TYW1B: variants seen among roughly 807,000 people sequenced by gnomAD.
The protein encoded by TYW1B is S-adenosyl-L-methionine-dependent tRNA 4-demethylwyosine synthase TYW1B.
A neutral mutation model predicts 86.9 loss-of-function variants in TYW1B; 73 were observed. The ratio of observed to expected loss-of-function variants is 0.84; its 90% CI spans 0.70 to 1.02. The LOEUF is 1.02. TYW1B is among the 50% of genes least tolerant of loss of function. The pLI is 0.00. For synonymous variants in TYW1B, 248 were observed against 292.8 expected, an observed-to-expected ratio of 0.85 and a Z score of 1.56; for missense variants, 637 against 827.4, an observed-to-expected ratio of 0.77 and a Z score of 2.82.
intron 7 of TYW1B, among the ~76,000 whole-genome samples, chr7:72,745,466 T>C (rs1465299099): frequency 6.6e-6 from 1 of 152,110 alleles, no homozygotes; most frequent in Admixed American, 6.6e-5. Flanking sequence ...AGTTGGTACA[T>C]GTAGTAAGTA....
chr7:72,717,471 T>C (rs1295851862), intron 9 of TYW1B, among the ~76,000 whole-genome samples: 1 of 152,004 alleles, frequency 6.6e-6, no homozygotes, highest in East Asian at 1.9e-4. Context: ...TCCTCATAGA[T>C]AGAGAATGAT....
intron 7 of TYW1B, among the ~76,000 whole-genome samples, chr7:72,761,785 A>T (rs1394658347): frequency 6.6e-6 from 1 of 152,038 alleles, no homozygotes; most frequent in Non-Finnish European, 1.5e-5. Flanking sequence ...CAAAGAAAAG[A>T]ATAACTTTGT....
chr7:72,733,433 G>A (rs1268680947), intron 8 of TYW1B, among the ~76,000 whole-genome samples: 1 of 152,182 alleles, frequency 6.6e-6, no homozygotes, highest in Non-Finnish European at 1.5e-5. Flanking sequence ...GCCAAGGCGG[G>A]CGGATCATGA....
At chr7:72,777,925 A>T (rs538784543) in intron 6 of TYW1B, among the ~76,000 whole-genome samples, 1 of 152,224 alleles carries the variant, frequency 6.6e-6, no homozygotes, top group East Asian at 1.9e-4. Flanking sequence ...CAAAAAATAA[A>T]TAATTATAAA....
chr7:72,752,047 T>G (rs1300053190), intron 7 of TYW1B, among the ~76,000 whole-genome samples: 1 of 152,204 alleles, frequency 6.6e-6, no homozygotes, highest in African/African-American at 2.4e-5. Flanking sequence ...GCAGCCCCAG[T>G]ATCTCTGGGT....
intron 11 of TYW1B, among the ~76,000 whole-genome samples, chr7:72,629,904 G>C (rs1812441789): frequency 6.6e-6 from 1 of 152,012 alleles, no homozygotes; most frequent in Admixed American, 6.6e-5. Flanking sequence ...CTTACACTCT[G>C]ACTTTGTAGC....
intron 6 of TYW1B, among the ~76,000 whole-genome samples, chr7:72,778,082 A>G (rs1221445173): frequency 1.1e-4 from 16 of 152,192 alleles, no homozygotes; most frequent in African/African-American, 3.9e-4. Flanking sequence ...ATATTCAAAC[A>G]TACACATCCA....
At chr7:72,713,475 C>G (rs1256633267) in intron 10 of TYW1B, 146 bp downstream of exon 10, 18 of 759,410 alleles carry the variant, frequency 2.4e-5, no homozygotes, top group Non-Finnish European at 3.5e-5. Context: ...TTTTGAAGAG[C>G]AGGACCATCT....
chr7:72,724,457 A>C (rs2129570938), intron 9 of TYW1B, among the ~76,000 whole-genome samples: 1 of 152,348 alleles, frequency 6.6e-6, no homozygotes, highest in East Asian at 1.9e-4. Flanking sequence ...TGGGCAACAG[A>C]GTGAGACCCT....
intron 6 of TYW1B, among the ~76,000 whole-genome samples, chr7:72,782,527 ATTGT>A (rs1250386609): frequency 1.3e-5 from 2 of 152,008 alleles, no homozygotes; most frequent in Non-Finnish European, 1.5e-5. Flanking sequence ...AGTCTTTCTG[ATTGT>A]TTGATCCTTT....
chr7:72,703,014 ATATATATATATATTTT>A (rs1814517585), intron 10 of TYW1B, among the ~76,000 whole-genome samples: 2 of 49,006 alleles, frequency 4.1e-5, no homozygotes, highest in East Asian at 1.2e-3. Flanking sequence ...ATATATATAT[ATATATATATATATTTT>A]TTTTTTTTTT....
At chr7:72,607,345 T>C (rs1437217864) in intron 13 of TYW1B, among the ~76,000 whole-genome samples, 83 of 146,928 alleles carry the variant, frequency 5.6e-4, no homozygotes, top group African/African-American at 1.4e-3. Context: ...TGAGCCAAGA[T>C]TGTGCCACTG....
chr7:72,633,300 T>C (rs1171839118), intron 11 of TYW1B, among the ~76,000 whole-genome samples: 1 of 152,192 alleles, frequency 6.6e-6, no homozygotes, highest in Non-Finnish European at 1.5e-5. Flanking sequence ...CAAGGAGCTG[T>C]ACCCTTCAAT....
intron 11 of TYW1B, among the ~76,000 whole-genome samples, chr7:72,688,856 A>G (rs528530454): frequency 2.6e-5 from 4 of 152,322 alleles, no homozygotes; most frequent in Admixed American, 2.6e-4. Flanking sequence ...AAAGGTCTGG[A>G]GGGAACCAGT....
intron 7 of TYW1B, among the ~76,000 whole-genome samples, chr7:72,747,422 T>C (rs1428851690): frequency 2.0e-5 from 3 of 152,178 alleles, no homozygotes; most frequent in Admixed American, 6.5e-5. Context: ...GGTATGTCTT[T>C]ATCAGCAGCA....
chr7:72,695,815 G>A lies in TYW1B; in HGVS notation c.1371-993C>T, dbSNP rs568096708. Among the ~76,000 whole-genome samples the A allele has an allele frequency of 5.3e-5, 8 of 152,078 alleles. No homozygotes were observed. The South Asian group carries it at 1.7e-3, about 32-fold the overall frequency. ...CCCACTACGTTACCTAGGCTGGTCT[G>A]GAACTCCTGGGCTCAAGCGATCCAC... is the stretch of plus-strand genomic sequence containing the variant. On this transcript the variant is annotated intron_variant, in intron 10 of 13. Transcript: ENST00000620995.
chr7:72,589,232 G>A (rs1207567963), intron 13 of TYW1B, among the ~76,000 whole-genome samples: 4 of 152,118 alleles, frequency 2.6e-5, no homozygotes, highest in Non-Finnish European at 4.4e-5. Context: ...TGCTTACCAC[G>A]GTAACCTTAA....
At chr7:72,815,507 A>T (rs782817171) in intron 2 of TYW1B, 26 bp from the exon 3 acceptor site, 2 of 1,594,352 alleles carry the variant, frequency 1.3e-6, no homozygotes, top group South Asian at 2.3e-5. Context: ...AAAACTTCAA[A>T]TAAAGTCTTC....
intron 11 of TYW1B, among the ~76,000 whole-genome samples, chr7:72,650,004 C>A (rs1813020286): frequency 6.6e-6 from 1 of 151,920 alleles, no homozygotes; most frequent in African/African-American, 2.4e-5. Context: ...ATTCTCCTGC[C>A]TCAGCCTCAT....
Sources: allele counts gnomAD v4.1 joint callset (sites outside exome capture counted in the v4.1 genomes callset), GRCh38; gene constraint gnomAD v4.1.1; transcripts MANE v1.5; gene names NCBI Gene and HGNC (gene_info 2026-07-23, HGNC 2026-07-21).